The following NFATC2 variants were observed in gnomAD, a reference collection of about 807,000 sequenced individuals.
The protein encoded by NFATC2 is nuclear factor of activated T-cells, cytoplasmic 2.
Under a neutral mutation model 87.3 loss-of-function variants are expected in NFATC2, and 22 were observed. That is an observed-to-expected ratio of 0.25 (90% CI 0.18 to 0.36). NFATC2 has a LOEUF of 0.36. NFATC2 is among the 10% of genes least tolerant of loss of function. The pLI is 1.00. For missense variants in NFATC2, 1,149 were observed against 1,259.1 expected (o/e 0.91, Z 1.32); for synonymous variants, 565 against 542.2 (o/e 1.04, Z -0.58).
intron 1 of NFATC2, among the ~76,000 whole-genome samples, chr20:51,552,484 A>G (rs1012029564): frequency 9.9e-5 from 15 of 152,222 alleles, no homozygotes; most frequent in African/African-American, 3.4e-4. Flanking sequence ...ACTCCAATCT[A>G]TCATCTCCTA....
At chr20:51,415,576 C>A (rs1979938057) in intron 9 of NFATC2, among the ~76,000 whole-genome samples, 1 of 152,194 alleles carries the variant, frequency 6.6e-6, no homozygotes, top group South Asian at 2.1e-4. Context: ...GGACCAGTGA[C>A]ATGGAATCAA....
At chr20:51,406,635 A>G (rs1978359545) in intron 9 of NFATC2, among the ~76,000 whole-genome samples, 1 of 152,184 alleles carries the variant, frequency 6.6e-6, no homozygotes, top group African/African-American at 2.4e-5. Flanking sequence ...CGTAGGCTCA[A>G]TTCCCACAAA....
At chr20:51,457,283 G>A (rs1019377564) in intron 5 of NFATC2, among the ~76,000 whole-genome samples, 2 of 152,256 alleles carry the variant, frequency 1.3e-5, no homozygotes, top group African/African-American at 4.8e-5. Context: ...GATGGGTGGT[G>A]CAGTGGCGAG....
rs923926103 is a variant in NFATC2 at position 51,558,942 on chromosome 20, A to G, written c.70+3618T>C. ...GGACCCAGTGGAGACTCACAGAAAT[A>G]GGAGACCCGATCCCTGGCCTCAGGG... On this transcript the variant is annotated intron_variant, in intron 1 of 10. Transcript: ENST00000414705. Among the ~76,000 whole-genome samples, 60 of 152,228 alleles carry G rather than the reference A, an allele frequency of 3.9e-4. 1 individual carries two copies. The highest frequency in any genetic ancestry group is 1.4e-3 in the African/African-American group (56 of 41,452).
At chr20:51,430,441 T>G (rs1243288054) in intron 9 of NFATC2, among the ~76,000 whole-genome samples, 7 of 152,252 alleles carry the variant, frequency 4.6e-5, no homozygotes, top group Non-Finnish European at 5.9e-5. Context: ...ATGGATTGTA[T>G]GCAGGTGTCC....
At chr20:51,475,741 C>T (rs1988659727) in intron 3 of NFATC2, 81 bp from the exon 4 acceptor site, 2 of 1,368,152 alleles carry the variant, frequency 1.5e-6, no homozygotes. Context: ...CCAGAGAGCT[C>T]ATGGGCAGTA....
In NFATC2 at chr20:51,562,238, C is replaced by T. The variant is rs138322816; in HGVS notation, c.70+322G>A. ...AGTGCTGAAACGGTTAAACAGCCAG[C>T]GGTTAGTAGCGAGAATCCCTCCCGG... is the stretch of plus-strand genomic sequence containing the variant. On this transcript the variant is annotated intron_variant, in intron 1 of 10. Transcript: ENST00000414705. This position sits in a 1 kb window ranked among gnomAD's most constrained non-coding sequence, Gnocchi z 5.8. 0.015 allele frequency among the ~76,000 whole-genome samples: 2,239 copies of T among 152,310 alleles called. 53 individuals are homozygous for T. Among genetic ancestry groups the T allele is most frequent in the African/African-American group, 0.05 (2,094 of 41,558 alleles).
At chr20:51,490,499 A>T (rs2075864542) in intron 3 of NFATC2, among the ~76,000 whole-genome samples, 1 of 152,180 alleles carries the variant, frequency 6.6e-6, no homozygotes, top group African/African-American at 2.4e-5. Flanking sequence ...CTTCTACTGG[A>T]CTGTTGGTTA....
intron 6 of NFATC2, among the ~76,000 whole-genome samples, chr20:51,437,934 T>A (rs536899136): frequency 3.0e-4 from 45 of 152,344 alleles, no homozygotes; most frequent in African/African-American, 1.1e-3. Flanking sequence ...GGCCAAAGGC[T>A]AACATCACCC....
chr20:51,460,067 T>C (rs746633933), intron 5 of NFATC2, among the ~76,000 whole-genome samples: 2 of 152,222 alleles, frequency 1.3e-5, no homozygotes, highest in Non-Finnish European at 2.9e-5. Context: ...AAACAGCCCA[T>C]GCTTAGCACA....
chr20:51,451,834 C>A (rs1176112254), intron 6 of NFATC2, among the ~76,000 whole-genome samples: 2 of 152,176 alleles, frequency 1.3e-5, no homozygotes, highest in African/African-American at 4.8e-5. Context: ...TCCCGTCAAC[C>A]CCCAGATGGG....
At chr20:51,514,862 T>C (rs935244970) in intron 3 of NFATC2, among the ~76,000 whole-genome samples, 2 of 152,126 alleles carry the variant, frequency 1.3e-5, no homozygotes, top group Non-Finnish European at 2.9e-5. Context: ...GACAGAGTGA[T>C]AGACTCTGTC....
At chr20:51,537,131 C>T (rs1016782512) in intron 1 of NFATC2, among the ~76,000 whole-genome samples, 12 of 151,878 alleles carry the variant, frequency 7.9e-5, no homozygotes, top group Non-Finnish European at 1.8e-4. Context: ...GGTGTTCCTA[C>T]ACTGAAGTGC....
intron 6 of NFATC2, among the ~76,000 whole-genome samples, chr20:51,450,665 T>A (rs1316398766): frequency 2.0e-5 from 3 of 152,236 alleles, no homozygotes; most frequent in African/African-American, 7.2e-5. Context: ...ATATCACCTG[T>A]GGACGAGTCC....
chr20:51,537,259 G>A (rs1453886974), intron 1 of NFATC2, among the ~76,000 whole-genome samples: 1 of 150,248 alleles, frequency 6.7e-6, no homozygotes, highest in Non-Finnish European at 1.5e-5. Flanking sequence ...GTGGGTGGGG[G>A]GTGCAGGGGG....
intron 3 of NFATC2, among the ~76,000 whole-genome samples, chr20:51,499,047 A>G (rs902083665): frequency 6.6e-6 from 1 of 152,106 alleles, no homozygotes; most frequent in Non-Finnish European, 1.5e-5. Flanking sequence ...TGAGTGAGTG[A>G]GGAAGAGAGG....
At chr20:51,462,715 G>A (rs568877360) in intron 5 of NFATC2, among the ~76,000 whole-genome samples, 7 of 152,146 alleles carry the variant, frequency 4.6e-5, no homozygotes, top group Non-Finnish European at 7.4e-5. Context: ...ATGGGCCTGC[G>A]TGGCATCTCA....
chr20:51,491,889 C>T (rs1231807250), intron 3 of NFATC2, among the ~76,000 whole-genome samples: 1 of 146,740 alleles, frequency 6.8e-6, no homozygotes, highest in African/African-American at 2.5e-5. Flanking sequence ...CACACACACA[C>T]ACACACACAC....
rs2076061044 is a variant in NFATC2, at chr20:51,500,554, G to A, written c.1332+16230C>T. Among the ~76,000 whole-genome samples, 5 of 151,472 alleles carry A rather than the reference G, an allele frequency of 3.3e-5. No individual in the cohort carries two copies. The South Asian group carries it at 1.0e-3, about 32-fold the overall frequency. The stretch of plus-strand genomic sequence containing the variant: ...TCGTTTTAGGGCAGAGGCTCCTACA[G>A]CTCAGTGAGAAGTATGTGGGCTGAG... On this transcript the variant is annotated intron_variant, in intron 3 of 10. Coordinates refer to ENST00000371564, the MANE Select transcript of NFATC2 (RefSeq NM_012340.5).
Sources: allele counts gnomAD v4.1 joint callset (sites outside exome capture counted in the v4.1 genomes callset), GRCh38; gene constraint gnomAD v4.1.1; non-coding constraint Gnocchi (gnomAD v3.1); transcripts MANE v1.5; gene names NCBI Gene and HGNC (gene_info 2026-07-23, HGNC 2026-07-21).